Variants in PFKFB3 observed in about 807,000 individuals in gnomAD.
PFKFB3 encodes 6-phosphofructo-2-kinase/fructose-2,6-biphosphatase 3, also known as 6-phosphofructo-2-kinase/fructose-2,6-bisphosphatase 3.
PFKFB3 carries 33 observed loss-of-function variants against 68.0 expected under a neutral mutation model. The observed-to-expected ratio is 0.49, with a 90% CI of 0.37 to 0.65. The LOEUF is 0.65. Ranked by LOEUF, PFKFB3 falls within the 30% of genes least tolerant of loss-of-function variation. The probability of loss-of-function intolerance (pLI) is 0.00; values close to 1 mark genes in which losing one functional copy is unlikely to be tolerated. For synonymous variants in PFKFB3, 315 were observed against 288.2 expected (o/e 1.09, Z -0.94); for missense variants, 586 against 712.2 (o/e 0.82, Z 2.02).
chr10:6,209,418 A>G (rs928094761), intron 1 of PFKFB3, among the ~76,000 whole-genome samples: 2 of 152,218 alleles, frequency 1.3e-5, no homozygotes, highest in African/African-American at 4.8e-5. Context: ...GAACATTTAC[A>G]TAAAATGAAA....
intron 1 of PFKFB3, among the ~76,000 whole-genome samples, chr10:6,145,877 C>A (rs983427719): frequency 6.6e-6 from 1 of 152,224 alleles, no homozygotes; most frequent in African/African-American, 2.4e-5. Flanking sequence ...CGCACCGGAC[C>A]CCGGTTTACA....
At chr10:6,320,883 T>C in the PFKFB3 span, among the ~76,000 whole-genome samples, 1 of 152,210 alleles carries the variant, frequency 6.6e-6, no homozygotes, top group African/African-American at 2.4e-5. Context: ...TGGCTTTCCA[T>C]GGCCTTCAGA....
intron 1 of PFKFB3, among the ~76,000 whole-genome samples, chr10:6,179,556 T>TC (rs1419050086): frequency 2.6e-5 from 4 of 152,122 alleles, no homozygotes; most frequent in Admixed American, 1.3e-4. Context: ...AGGGTTTCTC[T>TC]CCTATGGTGG....
chr10:6,220,496 T>C lies in PFKFB3; in HGVS notation c.624-162T>C, dbSNP rs10466308. Among the ~76,000 whole-genome samples the C allele has an allele frequency of 0.71, 107,097 of 151,538 alleles. 38,046 individuals are homozygous for C. The highest frequency in any genetic ancestry group is 0.74 in the African/African-American group (30,497 of 41,308). ...CAGACACCAGCTGTGGGAGTTGTCT[T>C]ACGCATATGCTCTGCCCCTTAGAAG... On this transcript the variant is annotated intron_variant, in intron 7 of 14. Coordinates refer to ENST00000379775, the MANE Select transcript of PFKFB3 (RefSeq NM_004566.4). The surrounding 1 kb of genome is among the most constrained non-coding windows in gnomAD (Gnocchi z 4.1).
chr10:6,293,201 C>T, the PFKFB3 span: 18 of 470,506 alleles, frequency 3.8e-5, no homozygotes, highest in Non-Finnish European at 5.1e-5. Flanking sequence ...AATAGTAACT[C>T]GAGTCCCAGA....
In PFKFB3 at chr10:6,220,642, T is replaced by TG. The variant is rs764558174; in HGVS notation, c.624-12dup. The TG allele has an allele frequency of 1.2e-6, 2 of 1,612,054 alleles. No homozygotes were observed. The highest frequency in any genetic ancestry group is 1.7e-6 in the Non-Finnish European group (2 of 1,179,084). ...TGGTGGCCTGAGCTGTGGTTCTCGG[T>TG]GGGGTCTCTCTGCAGGGACTTGTCG... is the stretch of plus-strand genomic sequence containing the variant. On this transcript the variant is annotated splice_polypyrimidine_tract_variant and intron_variant, in intron 7 of 14. Transcript: ENST00000379775. The surrounding 1 kb of genome is among the most constrained non-coding windows in gnomAD (Gnocchi z 4.1).
intron 1 of PFKFB3, among the ~76,000 whole-genome samples, chr10:6,153,564 G>A (rs1320272037): frequency 6.6e-6 from 1 of 152,076 alleles, no homozygotes; most frequent in East Asian, 1.9e-4. Flanking sequence ...GGAAAGAGGA[G>A]GGGGAGGGGC....
the PFKFB3 span, among the ~76,000 whole-genome samples, chr10:6,288,656 A>G: frequency 2.6e-5 from 4 of 151,854 alleles, no homozygotes; most frequent in Non-Finnish European, 5.9e-5. Flanking sequence ...TAGTGCCACA[A>G]TAAACATACG....
intron 1 of PFKFB3, among the ~76,000 whole-genome samples, chr10:6,208,371 C>CTGTTTTTTTTTTTTTTTT (rs1843931905): frequency 1.6e-5 from 1 of 60,624 alleles, no homozygotes; most frequent in Non-Finnish European, 2.9e-5. Flanking sequence ...GGTACCTGGC[C>CTGTTTTTTTTTTTTTTTT]TTTTTTTTTT....
At chr10:6,175,372 G>A (rs758506174) in intron 1 of PFKFB3, among the ~76,000 whole-genome samples, 4 of 152,206 alleles carry the variant, frequency 2.6e-5, no homozygotes, top group East Asian at 1.9e-4. Context: ...AATATCCTGA[G>A]GTGGGGAGCA....
chr10:6,278,816 A>C, the PFKFB3 span, among the ~76,000 whole-genome samples: 2 of 149,132 alleles, frequency 1.3e-5, no homozygotes, highest in Admixed American at 1.4e-4. Flanking sequence ...ATAGACACAT[A>C]GGAGCCATTT....
At chr10:6,194,946 C>G (rs1416568703) in intron 1 of PFKFB3, among the ~76,000 whole-genome samples, 2 of 151,354 alleles carry the variant, frequency 1.3e-5, no homozygotes, top group African/African-American at 4.9e-5. Flanking sequence ...AATCTCGGCT[C>G]ACTGCAACCT....
chr10:6,221,376 C>T lies in PFKFB3; in HGVS notation c.832-5C>T, dbSNP rs761702019. On this transcript the variant is annotated splice_region_variant and splice_polypyrimidine_tract_variant and intron_variant, in intron 8 of 14. Transcript: ENST00000379775. ...AATCAGTGGTCCCCCTCCACCACCTCTCAGTTTGCCAGTGCTCTGAGCAAG... is the reference window on the plus strand; with the variant it reads ...AATCAGTGGTCCCCCTCCACCACCTTTCAGTTTGCCAGTGCTCTGAGCAAG... 1.2e-6 allele frequency: 2 copies of T among 1,613,750 alleles called. No homozygotes were observed. Among genetic ancestry groups the T allele is most frequent in the Admixed American group, 3.3e-5 (2 of 59,988 alleles).
chr10:6,244,426 G>T (rs773052427), intron 14 of PFKFB3, among the ~76,000 whole-genome samples: 5 of 152,124 alleles, frequency 3.3e-5, no homozygotes, highest in Admixed American at 6.6e-5. Flanking sequence ...GACCAACTTG[G>T]CTGCTCATTC....
the PFKFB3 span, among the ~76,000 whole-genome samples, chr10:6,314,920 C>G: frequency 0.011 from 1,614 of 152,262 alleles, 23 homozygotes; most frequent in South Asian, 0.052. Flanking sequence ...CAGGAAATGA[C>G]TGATGCCACA....
chr10:6,304,770 C>T, the PFKFB3 span, among the ~76,000 whole-genome samples: 10 of 149,410 alleles, frequency 6.7e-5, 1 homozygote, highest in African/African-American at 2.5e-4. Flanking sequence ...ATCCTCCTGC[C>T]TCACCCTTGC....
At chr10:6,209,371 A>G (rs1444174846) in intron 1 of PFKFB3, among the ~76,000 whole-genome samples, 3 of 152,106 alleles carry the variant, frequency 2.0e-5, no homozygotes, top group African/African-American at 4.8e-5. Context: ...CACAACTTTC[A>G]AAAACTTTAG....
chr10:6,213,833 C>A, intron 2 of PFKFB3, 85 bp downstream of exon 2: 4 of 1,455,980 alleles, frequency 2.7e-6, no homozygotes, highest in Non-Finnish European at 3.7e-6. Flanking sequence ...GGCAGGACCA[C>A]CCCTGGGCGC....
At chr10:6,292,709 C>G in the PFKFB3 span, among the ~76,000 whole-genome samples, 4,703 of 151,728 alleles carry the variant, frequency 0.031, 223 homozygotes, top group African/African-American at 0.11. Context: ...ATGCAAACAT[C>G]CCATAGAACT....
Sources: allele counts gnomAD v4.1 joint callset (sites outside exome capture counted in the v4.1 genomes callset), GRCh38; gene constraint gnomAD v4.1.1; non-coding constraint Gnocchi (gnomAD v3.1); transcripts MANE v1.5; gene names NCBI Gene and HGNC (gene_info 2026-07-23, HGNC 2026-07-21).